Variants in ANKRD12 observed in about 807,000 individuals in gnomAD.
ANKRD12 encodes ankyrin repeat domain 12.
In ANKRD12, 85 loss-of-function variants were observed where a neutral mutation model predicts 183.4. The ratio of observed to expected loss-of-function variants is 0.46; its 90% CI spans 0.39 to 0.56. The LOEUF (loss-of-function observed/expected upper bound fraction) is 0.56, where lower values mean the gene tolerates loss of function less well. ANKRD12 is among the 20% of genes least tolerant of loss of function. The pLI, the probability that ANKRD12 is intolerant of heterozygous loss-of-function variation, is 0.00. For missense variants in ANKRD12, 2,405 were observed against 2,357.1 expected (o/e 1.02, Z -0.42); for synonymous variants, 914 against 800.2 (o/e 1.14, Z -2.40).
chr18:9,145,770 A>G (rs1328731172), intron 1 of ANKRD12, among the ~76,000 whole-genome samples: 1 of 152,252 alleles, frequency 6.6e-6, no homozygotes, highest in East Asian at 1.9e-4. Flanking sequence ...GAAATGATAT[A>G]ATACACATTT....
chr18:9,197,673 A>C (rs1416214794), intron 3 of ANKRD12, among the ~76,000 whole-genome samples: 1 of 152,238 alleles, frequency 6.6e-6, no homozygotes, highest in Non-Finnish European at 1.5e-5. Context: ...AATGTTACTT[A>C]AGAAAATCAT....
intron 8 of ANKRD12, among the ~76,000 whole-genome samples, chr18:9,243,309 T>A (rs1383738683): frequency 6.6e-6 from 1 of 152,200 alleles, no homozygotes; most frequent in African/African-American, 2.4e-5. Context: ...CAGAGTCAGC[T>A]GGTTCAGGGA....
chr18:9,208,510 A>G, intron 4 of ANKRD12, 147 bp from the exon 5 acceptor site: 2 of 499,350 alleles, frequency 4.0e-6, no homozygotes, highest in Non-Finnish European at 6.7e-6. Flanking sequence ...TATAAAACCC[A>G]TTGTGCTTTT....
chr18:9,155,194 A>G (rs947031356), intron 1 of ANKRD12, among the ~76,000 whole-genome samples: 1 of 152,224 alleles, frequency 6.6e-6, no homozygotes, highest in African/African-American at 2.4e-5. Context: ...AAGTAGAAAG[A>G]ATCAATAAGA....
rs1232098916 is a variant in ANKRD12 at position 9,282,608 on chromosome 18, A to T, written c.*1482A>T. On this transcript the variant is annotated 3_prime_UTR_variant, in exon 13 of 13. Coordinates refer to ENST00000262126, the MANE Select transcript of ANKRD12 (RefSeq NM_015208.5). ...GCGTACAATTTATCATAAATATATGAGGTAAAATTTGCAAAACTTTCCACA... is the reference window on the plus strand; with the variant it reads ...GCGTACAATTTATCATAAATATATGTGGTAAAATTTGCAAAACTTTCCACA... The T allele has an allele frequency of 6.6e-6, 1 of 152,578 alleles. No homozygotes were observed. The highest frequency in any genetic ancestry group is 2.4e-5 in the African/African-American group (1 of 41,462). The allele number at this position is 152,578 out of a possible 1,614,324, so 9.5% of individuals were successfully genotyped here.
chr18:9,188,250 A>G (rs190890891), intron 2 of ANKRD12, among the ~76,000 whole-genome samples: 2 of 152,354 alleles, frequency 1.3e-5, no homozygotes, highest in East Asian at 1.9e-4. Context: ...AGTGGGTTGT[A>G]TTACAGGGTA....
At chr18:9,277,490 G>T (rs892281289) in intron 11 of ANKRD12, among the ~76,000 whole-genome samples, 2 of 151,554 alleles carry the variant, frequency 1.3e-5, no homozygotes, top group African/African-American at 2.4e-5. Context: ...ACCACACCCG[G>T]CTAATTTTTT....
intron 8 of ANKRD12, among the ~76,000 whole-genome samples, chr18:9,226,661 G>T (rs1231532705): frequency 6.6e-6 from 1 of 151,814 alleles, no homozygotes; most frequent in Non-Finnish European, 1.5e-5. Flanking sequence ...GTGATTATAT[G>T]GTAGAGAAAT....
chr18:9,162,227 T>TC (rs542012469), intron 1 of ANKRD12, among the ~76,000 whole-genome samples: 123 of 147,418 alleles, frequency 8.3e-4, no homozygotes, highest in Non-Finnish European at 1.1e-3. Flanking sequence ...AGTGTGTTTG[T>TC]CCCCCCCCAC....
chr18:9,260,318 A>T (rs952321213), intron 9 of ANKRD12: 2 of 152,206 alleles, frequency 1.3e-5, no homozygotes, highest in Non-Finnish European at 2.9e-5. Flanking sequence ...GCCAAGGTGG[A>T]AAGACCACTT....
chr18:9,139,481 C>T (rs142060950), intron 1 of ANKRD12, among the ~76,000 whole-genome samples: 9 of 152,192 alleles, frequency 5.9e-5, no homozygotes, highest in African/African-American at 2.2e-4. Flanking sequence ...TGATTTCTTG[C>T]TATTAGCTGA....
intron 1 of ANKRD12, among the ~76,000 whole-genome samples, chr18:9,175,490 C>T (rs185960546): frequency 8.9e-6 from 1 of 112,436 alleles, no homozygotes; most frequent in Non-Finnish European, 1.8e-5. Flanking sequence ...TTCTTTCCTT[C>T]TTGATCACTT....
chr18:9,251,207 G>C (rs2038276448), intron 8 of ANKRD12, among the ~76,000 whole-genome samples: 1 of 152,114 alleles, frequency 6.6e-6, no homozygotes, highest in African/African-American at 2.4e-5. Flanking sequence ...TATTTTTTAA[G>C]AGATTTTGAG....
At chr18:9,169,751 CATT>C (rs1425036256) in intron 1 of ANKRD12, among the ~76,000 whole-genome samples, 1 of 152,194 alleles carries the variant, frequency 6.6e-6, no homozygotes, top group East Asian at 1.9e-4. Context: ...TTGATCCTGT[CATT>C]ATGATGTTAG....
Position 9,217,413 on chromosome 18 carries a change from T to C in ANKRD12, c.795+513T>C, listed in dbSNP as rs75962764. Among the ~76,000 whole-genome samples, 1,510 of 152,204 alleles carry C rather than the reference T, an allele frequency of 9.9e-3. 30 individuals are homozygous for C. The highest frequency in any genetic ancestry group is 0.035 in the African/African-American group (1,447 of 41,540). On this transcript the variant is annotated intron_variant, in intron 7 of 12. Coordinates refer to ENST00000262126, the MANE Select transcript of ANKRD12 (RefSeq NM_015208.5). ...AAATAATACCTATCTAAAATTGATATTTCAAAGGAAAAAAAGACACTACAT... is the reference window on the plus strand; with the variant it reads ...AAATAATACCTATCTAAAATTGATACTTCAAAGGAAAAAAAGACACTACAT...
intron 1 of ANKRD12, among the ~76,000 whole-genome samples, chr18:9,140,637 T>TA (rs535745377): frequency 6.0e-4 from 92 of 152,324 alleles, no homozygotes; most frequent in South Asian, 2.1e-3. Flanking sequence ...TGATTTCCTT[T>TA]AAAAACTCAG....
chr18:9,186,996 C>CAT, intron 2 of ANKRD12, among the ~76,000 whole-genome samples: 1 of 152,112 alleles, frequency 6.6e-6, no homozygotes. Context: ...CTCCTGACCT[C>CAT]GTGATCCGCC....
intron 8 of ANKRD12, among the ~76,000 whole-genome samples, chr18:9,228,098 C>G (rs1212684775): frequency 1.3e-5 from 2 of 152,204 alleles, no homozygotes; most frequent in Non-Finnish European, 2.9e-5. Flanking sequence ...ATCCATGTTG[C>G]TGCAAATGAC....
At chr18:9,174,845 T>G (rs943770956) in intron 1 of ANKRD12, among the ~76,000 whole-genome samples, 4 of 101,198 alleles carry the variant, frequency 4.0e-5, no homozygotes. Flanking sequence ...TGAGGAATAA[T>G]CCCAGTGCTT....
Sources: allele counts gnomAD v4.1 joint callset (sites outside exome capture counted in the v4.1 genomes callset), GRCh38; gene constraint gnomAD v4.1.1; transcripts MANE v1.5; gene names NCBI Gene and HGNC (gene_info 2026-07-23, HGNC 2026-07-21).